The following LRFN2 variants were observed in gnomAD, a reference collection of about 807,000 sequenced individuals.
LRFN2 encodes leucine-rich repeat and fibronectin type-III domain-containing protein 2.
Under a neutral mutation model 37.3 loss-of-function variants are expected in LRFN2, and 18 were observed. The observed-to-expected ratio is 0.48, with a 90% CI of 0.33 to 0.72. The LOEUF is 0.72. Ranked by LOEUF, LRFN2 falls within the 30% of genes least tolerant of loss-of-function variation. The pLI is 0.02. For synonymous variants in LRFN2, 556 were observed against 466.6 expected, an observed-to-expected ratio of 1.19 and a Z score of -2.47; for missense variants, 1,006 against 1,060.7, an observed-to-expected ratio of 0.95 and a Z score of 0.72.
intron 1 of LRFN2, among the ~76,000 whole-genome samples, chr6:40,470,846 G>C (rs1421780228): frequency 6.6e-6 from 1 of 152,206 alleles, no homozygotes. Flanking sequence ...CCAGGGGTGG[G>C]GATGGAGCAT....
At chr6:40,417,161 T>C (rs544468851) in intron 2 of LRFN2, among the ~76,000 whole-genome samples, 3 of 152,292 alleles carry the variant, frequency 2.0e-5, no homozygotes, top group South Asian at 2.1e-4. Context: ...CAATCAAAGC[T>C]TGAGGGAGGA....
chr6:40,483,292 C>G (rs1764876266), intron 1 of LRFN2, among the ~76,000 whole-genome samples: 1 of 152,244 alleles, frequency 6.6e-6, no homozygotes. Context: ...CATCTTCTCT[C>G]CCCTTGAACC....
Position 40,528,909 on chromosome 6 carries a change from C to A in LRFN2, c.-19+58032G>T, listed in dbSNP as rs529601244. ...TGCTCCAACTAGTCCCACTGCTAGCCCCATTCCTGCCACCCCAGGACACAT... is the reference window on the plus strand; with the variant it reads ...TGCTCCAACTAGTCCCACTGCTAGCACCATTCCTGCCACCCCAGGACACAT... On this transcript the variant is annotated intron_variant, in intron 1 of 2. Coordinates refer to ENST00000338305, the MANE Select transcript of LRFN2 (RefSeq NM_020737.3). Among the ~76,000 whole-genome samples the A allele has an allele frequency of 1.4e-4, 21 of 152,282 alleles. No homozygotes were observed. In the South Asian group the frequency reaches 2.3e-3, roughly 17 times the overall value.
intron 1 of LRFN2, among the ~76,000 whole-genome samples, chr6:40,543,885 C>T (rs12198476): frequency 6.6e-6 from 1 of 152,044 alleles, no homozygotes; most frequent in African/African-American, 2.4e-5. Flanking sequence ...CAAATGCCTG[C>T]AGCCAGGTTC....
At chr6:40,476,155 G>A (rs1036060197) in intron 1 of LRFN2, among the ~76,000 whole-genome samples, 1 of 152,058 alleles carries the variant, frequency 6.6e-6, no homozygotes, top group Non-Finnish European at 1.5e-5. Context: ...AGTCAGACTG[G>A]GCCTTCCATG....
chr6:40,560,654 CA>C (rs1412368950), intron 1 of LRFN2, among the ~76,000 whole-genome samples: 1 of 152,132 alleles, frequency 6.6e-6, no homozygotes, highest in East Asian at 1.9e-4. Flanking sequence ...ATCGGTTGGT[CA>C]TGGAATCAAT....
intron 2 of LRFN2, among the ~76,000 whole-genome samples, chr6:40,408,296 A>T (rs1328480889): frequency 6.6e-6 from 1 of 152,212 alleles, no homozygotes; most frequent in African/African-American, 2.4e-5. Context: ...GAGCAGGAAG[A>T]GGAGAGGTTG....
At chr6:40,429,913 T>C (rs1763439221) in intron 2 of LRFN2, among the ~76,000 whole-genome samples, 1 of 152,222 alleles carries the variant, frequency 6.6e-6, no homozygotes, top group South Asian at 2.1e-4. Flanking sequence ...GAATATACAC[T>C]GGATTGATTA....
At chr6:40,443,215 G>T (rs1158791854) in intron 1 of LRFN2, among the ~76,000 whole-genome samples, 1 of 152,086 alleles carries the variant, frequency 6.6e-6, no homozygotes, top group African/African-American at 2.4e-5. Context: ...TGGCCAACCT[G>T]GACTTATAGG....
At chr6:40,503,452 G>A (rs971174147) in intron 1 of LRFN2, among the ~76,000 whole-genome samples, 2 of 152,170 alleles carry the variant, frequency 1.3e-5, no homozygotes, top group Non-Finnish European at 2.9e-5. Flanking sequence ...GGTCCTCTGG[G>A]ACACAGAGCC....
At chr6:40,443,728 G>A (rs1010984302) in intron 1 of LRFN2, among the ~76,000 whole-genome samples, 1 of 152,178 alleles carries the variant, frequency 6.6e-6, no homozygotes, top group Admixed American at 6.5e-5. Flanking sequence ...AGCAGCTGAA[G>A]GATGTTTGAT....
At chr6:40,459,877 G>A (rs182835595) in intron 1 of LRFN2, among the ~76,000 whole-genome samples, 2 of 149,652 alleles carry the variant, frequency 1.3e-5, no homozygotes, top group East Asian at 1.9e-4. Flanking sequence ...TCTATGAGTC[G>A]GGCACTATTA....
At chr6:40,444,302 A>G (rs1763914645) in intron 1 of LRFN2, among the ~76,000 whole-genome samples, 1 of 152,234 alleles carries the variant, frequency 6.6e-6, no homozygotes, top group South Asian at 2.1e-4. Context: ...AGAAAGAGAC[A>G]GAGACAGACG....
intron 1 of LRFN2, among the ~76,000 whole-genome samples, chr6:40,470,397 G>A (rs139597972): frequency 6.6e-6 from 1 of 152,190 alleles, no homozygotes; most frequent in Non-Finnish European, 1.5e-5. Flanking sequence ...AGATCACGAG[G>A]TCAGGAGATC....
At chr6:40,582,400 A>G (rs1458820496) in intron 1 of LRFN2, among the ~76,000 whole-genome samples, 1 of 151,830 alleles carries the variant, frequency 6.6e-6, no homozygotes. Flanking sequence ...TAATATTGGA[A>G]GGTTGCCAGG....
At chr6:40,555,847 C>T (rs1175771380) in intron 1 of LRFN2, among the ~76,000 whole-genome samples, 1 of 152,134 alleles carries the variant, frequency 6.6e-6, no homozygotes, top group African/African-American at 2.4e-5. Context: ...CCATCCCTCC[C>T]CACACCGCTC....
chr6:40,587,225 T>A lies in LRFN2; in HGVS notation c.-303A>T, dbSNP rs1767520287. 1 of 151,912 alleles carries A rather than the reference T, an allele frequency of 6.6e-6. No individual in the cohort carries two copies. The highest frequency in any genetic ancestry group is 1.5e-5 in the Non-Finnish European group (1 of 67,950). 9.4% of individuals were successfully genotyped at this position (151,912 alleles called of 1,614,324 possible). On this transcript the variant is annotated 5_prime_UTR_variant, in exon 1 of 3. Coordinates refer to ENST00000338305, the MANE Select transcript of LRFN2 (RefSeq NM_020737.3). The surrounding 1 kb of genome is among the most constrained non-coding windows in gnomAD (Gnocchi z 4.2). ...GATTAAAGAAAAATAATAATAATAA[T>A]CCCTCCCTAGGAGGATGCCGGTAGG... is the stretch of plus-strand genomic sequence containing the variant.
chr6:40,464,559 T>A (rs192320138), intron 1 of LRFN2, among the ~76,000 whole-genome samples: 155 of 152,300 alleles, frequency 1.0e-3, no homozygotes, highest in African/African-American at 3.6e-3. Flanking sequence ...AAATCTCTGT[T>A]CCTTATAAAT....
intron 1 of LRFN2, among the ~76,000 whole-genome samples, chr6:40,479,731 C>T (rs561461546): frequency 6.6e-6 from 1 of 152,248 alleles, no homozygotes. Context: ...GGCTCAGGGC[C>T]GCTGGCTCCC....
Sources: gnomAD v4.1 joint callset for allele counts (sites outside exome capture counted in the v4.1 genomes callset) on GRCh38, gnomAD v4.1.1 for gene constraint, Gnocchi (gnomAD v3.1) non-coding constraint, MANE v1.5 for transcripts, NCBI Gene and HGNC (gene_info 2026-07-23, HGNC 2026-07-21) for gene names.